The following OTOGL variants were observed in gnomAD, a reference collection of about 807,000 sequenced individuals.
OTOGL encodes the protein otogelin-like protein.
Under a neutral mutation model 318.5 loss-of-function variants are expected in OTOGL, and 285 were observed. That is an observed-to-expected ratio of 0.89 (90% CI 0.81 to 0.99). OTOGL has a LOEUF of 0.99. Among genes scored for constraint, OTOGL ranks in the 50% least tolerant of loss-of-function variants. The probability of loss-of-function intolerance (pLI) is 0.00; values close to 1 mark genes in which losing one functional copy is unlikely to be tolerated. For synonymous variants in OTOGL, 987 were observed against 936.5 expected, an observed-to-expected ratio of 1.05 and a Z score of -0.99; for missense variants, 2,899 against 2,845.6, an observed-to-expected ratio of 1.02 and a Z score of -0.43.
At chr12:80,365,396 G>A (rs1890467674) in intron 52 of OTOGL, among the ~76,000 whole-genome samples, 1 of 152,122 alleles carries the variant, frequency 6.6e-6, no homozygotes, top group Non-Finnish European at 1.5e-5. Flanking sequence ...TAGAATAAAA[G>A]CATAATTGAA....
chr12:80,336,973 A>C lies in OTOGL; in HGVS notation c.4829A>C (p.His1610Pro), dbSNP rs765475333. The change falls in exon 42 of 59, where the codon CAT becomes CCT. Residue 1610 changes from histidine (H) to proline (P), a missense_variant. By Grantham distance (77) the His-to-Pro change is moderately conservative. Coordinates refer to ENST00000547103, the MANE Select transcript of OTOGL (RefSeq NM_001378609.3). ...AAGTTAAATGTGACAACACCCATAC[A>C]TAAAATAATTGTCAATCGGTTGGCA... ...FKKLNVTTPI[H>P]KIIVNRLARK... The C allele has an allele frequency of 6.3e-7, 1 of 1,592,910 alleles. No homozygotes were observed.
intron 1 of OTOGL, among the ~76,000 whole-genome samples, chr12:80,198,985 A>G (rs1051709078): frequency 1.3e-5 from 2 of 152,222 alleles, no homozygotes; most frequent in African/African-American, 4.8e-5. Flanking sequence ...CATAACCTGT[A>G]ATATGCGTGT....
intron 11 of OTOGL, among the ~76,000 whole-genome samples, chr12:80,242,517 T>C (rs1211166079): frequency 6.6e-6 from 1 of 152,160 alleles, no homozygotes; most frequent in East Asian, 1.9e-4. Flanking sequence ...TTCCATTCTG[T>C]AGGAAATGAG....
intron 11 of OTOGL, among the ~76,000 whole-genome samples, chr12:80,248,955 A>T (rs1388550600): frequency 6.8e-6 from 1 of 147,954 alleles, no homozygotes; most frequent in Non-Finnish European, 1.5e-5. Flanking sequence ...ATTTGATCGC[A>T]TCGGCTCCTG....
At chr12:80,344,056 T>A (rs1006572826) in intron 44 of OTOGL, among the ~76,000 whole-genome samples, 3 of 152,174 alleles carry the variant, frequency 2.0e-5, no homozygotes, top group Non-Finnish European at 2.9e-5. Flanking sequence ...AAGACGAAAG[T>A]ATGAAGTCAT....
intron 7 of OTOGL, 90 bp downstream of exon 7, chr12:80,222,335 A>G (rs918065509): frequency 4.1e-6 from 5 of 1,218,572 alleles, no homozygotes; most frequent in South Asian, 3.3e-5. Context: ...TGCAAAATAT[A>G]TACTAATAAT....
chr12:80,254,691 G>T lies in OTOGL; in HGVS notation c.1441+121G>T, dbSNP rs1302353274. 3 of 761,698 alleles carry T rather than the reference G, an allele frequency of 3.9e-6. No homozygotes were observed. The East Asian group carries it at 8.5e-5, about 21-fold the overall frequency. 47.2% of individuals were successfully genotyped at this position (761,698 alleles called of 1,614,324 possible). ...CCAAGGGCTACAATAATCTGTAAATGCAATTACTCAGAGGATACATGGAAA... is the reference window on the plus strand; with the variant it reads ...CCAAGGGCTACAATAATCTGTAAATTCAATTACTCAGAGGATACATGGAAA... On this transcript the variant is annotated intron_variant, in intron 15 of 58. Coordinates refer to ENST00000547103, the MANE Select transcript of OTOGL (RefSeq NM_001378609.3).
chr12:80,213,114 T>G (rs1877399590), intron 4 of OTOGL, among the ~76,000 whole-genome samples: 1 of 152,218 alleles, frequency 6.6e-6, no homozygotes, highest in Non-Finnish European at 1.5e-5. Flanking sequence ...TTGTAGTTAT[T>G]TCTGACCATA....
At chr12:80,239,657 G>A (rs763196280) in intron 11 of OTOGL, among the ~76,000 whole-genome samples, 2 of 152,062 alleles carry the variant, frequency 1.3e-5, no homozygotes, top group African/African-American at 2.4e-5. Context: ...GGGTATGTGT[G>A]ATAATTTAAT....
At position 80,356,871 on chromosome 12, in the gene OTOGL, T is replaced by C; in HGVS notation, c.5976T>C (p.Ile1992=). 1 of 1,601,574 alleles carries C rather than the reference T, an allele frequency of 6.2e-7. No homozygotes were observed. Among genetic ancestry groups the C allele is most frequent in the Non-Finnish European group, 8.5e-7 (1 of 1,173,758 alleles). ...TPECREDQFM[I]QVRQEEPCCF... is the part of the protein sequence containing the mutation. ...AATGCAGAGAAGATCAATTCATGAT[T>C]CAAGTTCGACAGGAAGAACCTTGTT... The change falls in exon 49 of 59, where the codon ATT becomes ATC. Residue 1992 remains isoleucine (I), a synonymous_variant. Coordinates refer to ENST00000547103, the MANE Select transcript of OTOGL (RefSeq NM_001378609.3).
intron 33 of OTOGL, among the ~76,000 whole-genome samples, chr12:80,319,255 G>T (rs1323840309): frequency 6.6e-6 from 1 of 152,080 alleles, no homozygotes; most frequent in African/African-American, 2.4e-5. Context: ...GGTCTGTACT[G>T]GTTGTATCCA....
At chr12:80,305,761 T>G in intron 29 of OTOGL, 66 bp downstream of exon 29, 1 of 1,229,762 alleles carries the variant, frequency 8.1e-7, no homozygotes, top group Non-Finnish European at 1.1e-6. Context: ...CACTAGAACA[T>G]TTTATTCTTA....
At chr12:80,195,759 T>C (rs897207816) in intron 1 of OTOGL, among the ~76,000 whole-genome samples, 1 of 152,162 alleles carries the variant, frequency 6.6e-6, no homozygotes, top group Non-Finnish European at 1.5e-5. Context: ...CATTATTAAA[T>C]TTGGAGGAAT....
intron 29 of OTOGL, among the ~76,000 whole-genome samples, chr12:80,308,023 C>T (rs1202325136): frequency 4.9e-5 from 7 of 142,694 alleles, no homozygotes; most frequent in Non-Finnish European, 7.7e-5. Flanking sequence ...ACCTGCCGGA[C>T]GGGGCGGCTG....
chr12:80,249,947 C>T (rs999869232), intron 11 of OTOGL, among the ~76,000 whole-genome samples: 4 of 152,042 alleles, frequency 2.6e-5, no homozygotes, highest in African/African-American at 9.7e-5. Flanking sequence ...TCCGTCAGCC[C>T]TTTCTTTGAC....
chr12:80,200,718 G>C (rs1340801290), intron 1 of OTOGL, among the ~76,000 whole-genome samples: 1 of 152,180 alleles, frequency 6.6e-6, no homozygotes, highest in Non-Finnish European at 1.5e-5. Context: ...TCTTACAGCA[G>C]AGGCATACAT....
chr12:80,110,822 C>T (rs57043119), intron 1 of OTOGL, among the ~76,000 whole-genome samples: 4,496 of 152,198 alleles, frequency 0.03, 216 homozygotes, highest in African/African-American at 0.1. Context: ...TTTGAGGAAT[C>T]GCCACACTGT....
Position 80,377,833 on chromosome 12 carries a change from T to A in OTOGL, c.6862-15T>A, listed in dbSNP as rs750751497. The A allele has an allele frequency of 6.3e-7, 1 of 1,584,118 alleles. No individual in the cohort carries two copies. Among genetic ancestry groups the A allele is most frequent in the South Asian group, 1.1e-5 (1 of 88,416 alleles). ...AAAAGTTTAAGACTTTTTTTCTCAT[T>A]GTCACTTCTTACAGATAAATGTTGC... On this transcript the variant is annotated splice_polypyrimidine_tract_variant and intron_variant, in intron 58 of 58. Coordinates refer to ENST00000547103, the MANE Select transcript of OTOGL (RefSeq NM_001378609.3).
In OTOGL at chr12:80,280,429, G is replaced by T. The variant is rs542421106; in HGVS notation, c.2928+1263G>T. 7.0e-4 allele frequency among the ~76,000 whole-genome samples: 104 copies of T among 148,216 alleles called. 1 individual carries two copies. Among genetic ancestry groups the T allele is most frequent in the Non-Finnish European group, 1.2e-3 (83 of 66,442 alleles). Reference sequence around the variant, plus strand: ...TCTTCTAGGTTTTTTATGATCTTAGGTCTTACTTTTAAGTCTTTAATCCAT... The same window carrying T: ...TCTTCTAGGTTTTTTATGATCTTAGTTCTTACTTTTAAGTCTTTAATCCAT... On this transcript the variant is annotated intron_variant, in intron 26 of 58. Coordinates refer to ENST00000547103, the MANE Select transcript of OTOGL (RefSeq NM_001378609.3).
Sources: gnomAD v4.1 joint callset for allele counts (sites outside exome capture counted in the v4.1 genomes callset) on GRCh38, gnomAD v4.1.1 for gene constraint, MANE v1.5 for transcripts, NCBI Gene and HGNC (gene_info 2026-07-23, HGNC 2026-07-21) for gene names.